The following ANKRD17 variants were observed in gnomAD, a reference collection of about 807,000 sequenced individuals.
ANKRD17 encodes the protein ankyrin repeat domain 17.
In ANKRD17, 19 loss-of-function variants were observed where a neutral mutation model predicts 229.7. The ratio of observed to expected loss-of-function variants is 0.08; its 90% CI spans 0.06 to 0.12. The LOEUF (loss-of-function observed/expected upper bound fraction) is 0.12, where lower values mean the gene tolerates loss of function less well. Ranked by LOEUF, ANKRD17 falls within the 10% of genes least tolerant of loss-of-function variation. The probability of loss-of-function intolerance (pLI) is 1.00; values close to 1 mark genes in which losing one functional copy is unlikely to be tolerated. For missense variants in ANKRD17, 2,176 were observed against 3,176.8 expected (o/e 0.68, Z 7.57); for synonymous variants, 1,112 against 1,146.1 (o/e 0.97, Z 0.60).
intron 2 of ANKRD17, among the ~76,000 whole-genome samples, chr4:73,165,883 T>A (rs1342691591): frequency 6.6e-6 from 1 of 152,176 alleles, no homozygotes; most frequent in Non-Finnish European, 1.5e-5. Context: ...GTTCTACAAT[T>A]GCAAGGAACT....
chr4:73,179,490 A>ATGTGTGTG, intron 1 of ANKRD17, among the ~76,000 whole-genome samples: 1 of 49,798 alleles, frequency 2.0e-5, no homozygotes, highest in Non-Finnish European at 4.0e-5. Flanking sequence ...GTGTGTGTGT[A>ATGTGTGTG]TATATATATA....
In ANKRD17 at chr4:73,249,831, G is replaced by C. The variant is rs1461586347; in HGVS notation, c.393+8445C>G. 3.9e-5 allele frequency among the ~76,000 whole-genome samples: 6 copies of C among 152,228 alleles called. No individual in the cohort carries two copies. In the East Asian group the frequency reaches 1.2e-3, roughly 29 times the overall value. ...GCATGGCGCCACTGCACTCCAGCCT[G>C]GGAGACAGAGCGAGACTTCGTCTCA... On this transcript the variant is annotated intron_variant, in intron 1 of 33. Transcript: ENST00000358602.
rs1338575246 is a variant in ANKRD17 at position 73,142,694 on chromosome 4, C to A, written c.2031G>T (p.Leu677=). The change falls in exon 12 of 34, where the codon CTG becomes CTT. Residue 677 remains leucine, a synonymous_variant. Coordinates refer to ENST00000358602, the MANE Select transcript of ANKRD17 (RefSeq NM_032217.5). ...GAGCCAAAAGTAGTTCCACCACTGC[C>A]AGATGACCCCCTGCACAAGCCAGGG... The part of the protein sequence containing the change: ...VLSLACAGGH[L]AVVELLLAHG... 3 of 1,613,916 alleles carry A rather than the reference C, an allele frequency of 1.9e-6. No individual in the cohort carries two copies. The highest frequency in any genetic ancestry group is 2.2e-5 in the East Asian group (1 of 44,892).
intron 1 of ANKRD17, among the ~76,000 whole-genome samples, chr4:73,225,366 A>G (rs1742359006): frequency 6.6e-6 from 1 of 152,154 alleles, no homozygotes; most frequent in Admixed American, 6.5e-5. Context: ...GGGGCCCCTA[A>G]GACTAAAGTT....
intron 10 of ANKRD17, among the ~76,000 whole-genome samples, chr4:73,145,238 C>T (rs1402186751): frequency 3.3e-5 from 5 of 152,156 alleles, no homozygotes; most frequent in African/African-American, 4.8e-5. Flanking sequence ...CTCATCCACT[C>T]CAAGTTATTT....
intron 1 of ANKRD17, among the ~76,000 whole-genome samples, chr4:73,244,637 T>TA (rs1744329158): frequency 6.6e-6 from 1 of 152,080 alleles, no homozygotes; most frequent in African/African-American, 2.4e-5. Context: ...GAGTAGCACA[T>TA]AAAAGAATAA....
At chr4:73,170,870 G>A (rs1733899329) in intron 2 of ANKRD17, among the ~76,000 whole-genome samples, 2 of 152,118 alleles carry the variant, frequency 1.3e-5, no homozygotes, top group East Asian at 1.9e-4. Context: ...ACCCTCATTA[G>A]ATAGATTTCT....
intron 30 of ANKRD17, 48 bp from the exon 31 acceptor site, chr4:73,078,938 T>C: frequency 1.3e-6 from 2 of 1,531,276 alleles, no homozygotes; most frequent in Non-Finnish European, 1.8e-6. Context: ...CTATAGAACA[T>C]GTAATTTTAT....
intron 1 of ANKRD17, among the ~76,000 whole-genome samples, chr4:73,206,916 G>A (rs1475795592): frequency 2.0e-5 from 3 of 152,032 alleles, no homozygotes; most frequent in African/African-American, 2.4e-5. Flanking sequence ...TCCACCCCAC[G>A]GGGTTCAAGT....
intron 1 of ANKRD17, chr4:73,223,225 T>A: frequency 2.3e-6 from 1 of 438,634 alleles, no homozygotes; most frequent in Non-Finnish European, 4.0e-6. Context: ...ACAGAAGCTC[T>A]ATTCCAAAGC....
intron 1 of ANKRD17, among the ~76,000 whole-genome samples, chr4:73,221,117 C>G (rs1741794028): frequency 6.6e-6 from 1 of 151,660 alleles, no homozygotes; most frequent in Admixed American, 6.6e-5. Context: ...AAAATGTTAC[C>G]AAGATTGACA....
chr4:73,136,287 T>C (rs1188963190), intron 15 of ANKRD17, among the ~76,000 whole-genome samples: 1 of 152,134 alleles, frequency 6.6e-6, no homozygotes, highest in Non-Finnish European at 1.5e-5. Flanking sequence ...ACCAAAGTAG[T>C]TATCAACTAC....
At chr4:73,086,922 ATAT>A (rs1560497690) in intron 29 of ANKRD17, among the ~76,000 whole-genome samples, 87 of 50,940 alleles carry the variant, frequency 1.7e-3, no homozygotes, top group East Asian at 3.2e-3. Context: ...AAAAAAAAAT[ATAT>A]ATATATATAT....
chr4:73,179,510 ATATATATAT>A (rs1282506582), intron 1 of ANKRD17, among the ~76,000 whole-genome samples: 12 of 77,024 alleles, frequency 1.6e-4, no homozygotes, highest in African/African-American at 4.8e-4. Context: ...ATATATATAT[ATATATATAT>A]TTTTTTTTTT....
chr4:73,082,537 A>G (rs534359138), intron 30 of ANKRD17, among the ~76,000 whole-genome samples: 5 of 152,310 alleles, frequency 3.3e-5, no homozygotes, highest in East Asian at 1.9e-4. Flanking sequence ...GTGCTTCTAC[A>G]GTAAAATTAC....
chr4:73,127,257 T>A (rs1727595238), intron 16 of ANKRD17, among the ~76,000 whole-genome samples: 1 of 152,170 alleles, frequency 6.6e-6, no homozygotes, highest in African/African-American at 2.4e-5. Flanking sequence ...TCACTCCAGC[T>A]GTAAGTCTAA....
intron 16 of ANKRD17, among the ~76,000 whole-genome samples, chr4:73,133,140 C>A (rs1189770661): frequency 6.6e-6 from 1 of 151,874 alleles, no homozygotes; most frequent in Non-Finnish European, 1.5e-5. Flanking sequence ...ATCCCAGCTA[C>A]TCAGGAGGCT....
chr4:73,131,654 G>A (rs1481865397), intron 16 of ANKRD17, among the ~76,000 whole-genome samples: 1 of 152,160 alleles, frequency 6.6e-6, no homozygotes, highest in Non-Finnish European at 1.5e-5. Context: ...AAAGAAAAGA[G>A]TCTAGAGCCA....
intron 28 of ANKRD17, among the ~76,000 whole-genome samples, chr4:73,093,477 A>C (rs939934917): frequency 6.8e-5 from 10 of 147,902 alleles, no homozygotes; most frequent in Admixed American, 5.6e-4. Flanking sequence ...TCCCAGGTTC[A>C]AGCAATTCTC....
Sources: allele counts gnomAD v4.1 joint callset (sites outside exome capture counted in the v4.1 genomes callset), GRCh38; gene constraint gnomAD v4.1.1; transcripts MANE v1.5; gene names NCBI Gene and HGNC (gene_info 2026-07-23, HGNC 2026-07-21).